FARP2: variants seen among roughly 807,000 people sequenced by gnomAD.
The protein encoded by FARP2 is FERM, ARH/RhoGEF and pleckstrin domain protein 2.
In FARP2, 111 loss-of-function variants were observed where a neutral mutation model predicts 130.5. That is an observed-to-expected ratio of 0.85 (90% CI 0.73 to 1.00). The LOEUF (loss-of-function observed/expected upper bound fraction) is 1.00. Ranked by LOEUF, FARP2 falls within the 50% of genes least tolerant of loss-of-function variation. The pLI, the probability that FARP2 is intolerant of heterozygous loss-of-function variation, is 0.00. For synonymous variants in FARP2, 504 were observed against 516.9 expected (o/e 0.98, Z 0.34); for missense variants, 1,385 against 1,346.3 (o/e 1.03, Z -0.45).
chr2:241,419,846 A>G (rs1362734129), intron 8 of FARP2, among the ~76,000 whole-genome samples: 4 of 152,208 alleles, frequency 2.6e-5, no homozygotes, highest in Non-Finnish European at 5.9e-5. Flanking sequence ...CTGGGAATTA[A>G]CCGTTAGAAA....
At chr2:241,462,905 G>A (rs1385499003) in intron 15 of FARP2, among the ~76,000 whole-genome samples, 9 of 152,160 alleles carry the variant, frequency 5.9e-5, no homozygotes, top group African/African-American at 2.2e-4. Flanking sequence ...GGCCAGGCTG[G>A]TCCCAAACTC....
At chr2:241,356,960 T>C (rs1286781401) in intron 1 of FARP2, among the ~76,000 whole-genome samples, 1 of 152,242 alleles carries the variant, frequency 6.6e-6, no homozygotes, top group Non-Finnish European at 1.5e-5. Flanking sequence ...GAAATACTCA[T>C]AAGCCAGTGG....
At chr2:241,441,860 C>T in intron 13 of FARP2, 2 of 476,480 alleles carry the variant, frequency 4.2e-6, no homozygotes, top group Non-Finnish European at 7.7e-6. Flanking sequence ...GGCTCTGAGG[C>T]GTTTTCTTTT....
At position 241,441,354 on chromosome 2, in the gene FARP2, G is replaced by T. The variant is rs773610503; in HGVS notation, c.1209G>T (p.Ala403=). 6.2e-7 allele frequency: 1 copy of T among 1,613,194 alleles called. No individual in the cohort carries two copies. Among genetic ancestry groups the T allele is most frequent in the South Asian group, 1.1e-5 (1 of 91,054 alleles). The change falls in exon 13 of 27, where the codon GCG becomes GCT. Residue 403 remains alanine (A), a synonymous_variant. Coordinates refer to ENST00000264042, the MANE Select transcript of FARP2 (RefSeq NM_014808.4). ...GLRTPASPSS[A]NAFYSLSPST... ...GGACTCCTGCCTCCCCATCTTCAGCGAATGCCTTTTACTCGCTCTCTCCCT... is the reference window on the plus strand; with the variant it reads ...GGACTCCTGCCTCCCCATCTTCAGCTAATGCCTTTTACTCGCTCTCTCCCT...
chr2:241,465,793 A>G, intron 17 of FARP2: 1 of 1,549,586 alleles, frequency 6.5e-7, no homozygotes, highest in South Asian at 1.2e-5. Context: ...CGCCTGTCCC[A>G]CCTTCTACCC....
intron 2 of FARP2, among the ~76,000 whole-genome samples, chr2:241,400,817 G>C (rs941810492): frequency 6.6e-6 from 1 of 152,166 alleles, no homozygotes; most frequent in Non-Finnish European, 1.5e-5. Context: ...GGCTTTGAAA[G>C]AACTTCATAG....
chr2:241,362,840 C>T (rs953760169), intron 1 of FARP2, among the ~76,000 whole-genome samples: 4 of 152,100 alleles, frequency 2.6e-5, no homozygotes, highest in South Asian at 4.1e-4. Flanking sequence ...TTGACAAATA[C>T]AGAAAATTAG....
chr2:241,483,401 C>G (rs1393966280), intron 19 of FARP2, 64 bp from the exon 20 acceptor site: 1 of 1,390,610 alleles, frequency 7.2e-7, no homozygotes, highest in East Asian at 2.3e-5. Context: ...GACCCTCAGC[C>G]CGGCTAGTGC....
At chr2:241,398,572 CTT>C (rs35797376) in intron 2 of FARP2, among the ~76,000 whole-genome samples, 24 of 139,200 alleles carry the variant, frequency 1.7e-4, no homozygotes, top group Admixed American at 1.4e-4. Flanking sequence ...TGTGAACATT[CTT>C]TTTTTTTTTT....
chr2:241,431,612 C>G (rs941264732), intron 8 of FARP2, 67 bp from the exon 9 acceptor site: 9 of 786,592 alleles, frequency 1.1e-5, no homozygotes, highest in African/African-American at 1.8e-5. Context: ...TTTAAGCATT[C>G]CCTATTTCAT....
At chr2:241,407,951 A>G (rs981636591) in intron 5 of FARP2, among the ~76,000 whole-genome samples, 7 of 152,226 alleles carry the variant, frequency 4.6e-5, no homozygotes, top group African/African-American at 1.7e-4. Flanking sequence ...TTATTTATCA[A>G]TAAAATATAC....
At position 241,482,706 on chromosome 2, in the gene FARP2, C is replaced by T. The variant is rs2064646622; in HGVS notation, c.2263-759C>T. ...CTTCACGCAGTATGTTGGGACTGCT[C>T]ATACTAGGAGGCCCCTAGCACATTC... On this transcript the variant is annotated intron_variant, in intron 19 of 26. Coordinates refer to ENST00000264042, the MANE Select transcript of FARP2 (RefSeq NM_014808.4). This position sits in a 1 kb window ranked among gnomAD's most constrained non-coding sequence, Gnocchi z 4.6. 6.6e-6 allele frequency among the ~76,000 whole-genome samples: 1 copy of T among 152,220 alleles called. No homozygotes were observed. Among genetic ancestry groups the T allele is most frequent in the South Asian group, 2.1e-4 (1 of 4,822 alleles).
intron 2 of FARP2, among the ~76,000 whole-genome samples, chr2:241,384,483 A>C (rs1179746828): frequency 6.6e-6 from 1 of 152,232 alleles, no homozygotes; most frequent in African/African-American, 2.4e-5. Flanking sequence ...AGTGATGAGA[A>C]TCCGTTGCAT....
rs1189516058 is a variant in FARP2, at chr2:241,417,038, C to T, written c.624-924C>T. Among the ~76,000 whole-genome samples, 10 of 152,040 alleles carry T rather than the reference C, an allele frequency of 6.6e-5. 1 individual carries two copies. The highest frequency in any genetic ancestry group is 3.9e-4 in the East Asian group (2 of 5,182). On this transcript the variant is annotated intron_variant, in intron 7 of 26. Transcript: ENST00000264042. ...GGAGATGGCCGGGCGCAGTGGCTCT[C>T]GCCTGTAATCCCAGCACTTTGAGAA...
chr2:241,408,406 G>A (rs965384303), intron 5 of FARP2, among the ~76,000 whole-genome samples: 1 of 151,908 alleles, frequency 6.6e-6, no homozygotes, highest in South Asian at 2.1e-4. Flanking sequence ...ATCCAGGCGT[G>A]GTGGCAGGCA....
intron 2 of FARP2, among the ~76,000 whole-genome samples, chr2:241,380,879 G>A (rs1330890221): frequency 2.6e-5 from 4 of 152,026 alleles, no homozygotes; most frequent in African/African-American, 7.3e-5. Context: ...TGGGTAGTGC[G>A]TGTTGAACAT....
At chr2:241,464,342 G>A (rs1336257057) in intron 17 of FARP2, among the ~76,000 whole-genome samples, 1 of 150,466 alleles carries the variant, frequency 6.6e-6, no homozygotes, top group Non-Finnish European at 1.5e-5. Flanking sequence ...CCAGAGCAGG[G>A]TCCCCTAAGA....
chr2:241,463,843 A>G, intron 16 of FARP2, 56 bp from the exon 17 acceptor site: 2 of 1,455,366 alleles, frequency 1.4e-6, no homozygotes, highest in Non-Finnish European at 1.9e-6. Context: ...GTCAGATTAC[A>G]GTGCCTTCTG....
rs368131099 is a variant in FARP2 at position 241,484,366 on chromosome 2, G to A, written c.2421+35G>A. ...CTTGCACCCTGCCTGGGATTTCCAC[G>A]TGGTGCTGGGCTGGGCCCCACCTAC... is the stretch of plus-strand genomic sequence containing the variant. On this transcript the variant is annotated intron_variant, in intron 21 of 26. Transcript: ENST00000264042. The A allele has an allele frequency of 4.0e-5, 63 of 1,573,974 alleles. No individual in the cohort carries two copies. In the African/African-American group the frequency reaches 4.5e-4, roughly 11 times the overall value.
Sources: allele counts gnomAD v4.1 joint callset (sites outside exome capture counted in the v4.1 genomes callset), GRCh38; gene constraint gnomAD v4.1.1; non-coding constraint Gnocchi (gnomAD v3.1); transcripts MANE v1.5; gene names NCBI Gene and HGNC (gene_info 2026-07-23, HGNC 2026-07-21).